SKAP1: variants seen among roughly 807,000 people sequenced by gnomAD.
SKAP1 encodes src kinase associated phosphoprotein 1.
In SKAP1, 44 loss-of-function variants were observed where a neutral mutation model predicts 58.5. The ratio of observed to expected loss-of-function variants is 0.75; its 90% confidence interval spans 0.59 to 0.97. The LOEUF is 0.97. Among genes scored for constraint, SKAP1 ranks in the 50% least tolerant of loss-of-function variants. SKAP1 has a pLI of 0.00. For synonymous variants in SKAP1, 127 were observed against 149.7 expected, an observed-to-expected ratio of 0.85 and a Z score of 1.11; for missense variants, 390 against 435.2, an observed-to-expected ratio of 0.90 and a Z score of 0.92.
chr17:48,187,916 G>T lies in SKAP1; in HGVS notation c.369C>A (p.Phe123Leu), dbSNP rs370712801. The T allele has an allele frequency of 6.2e-7, 1 of 1,613,694 alleles. No homozygotes were observed. The highest frequency in any genetic ancestry group is 8.5e-7 in the Non-Finnish European group (1 of 1,179,674). Residue 123 changes from phenylalanine (F) to leucine (L), a missense_variant, in exon 6 of 13, where the codon TTC becomes TTA. Coordinates refer to ENST00000336915, the MANE Select transcript of SKAP1 (RefSeq NM_003726.4). The stretch of plus-strand genomic sequence containing the variant: ...ATCGCTTCTGCCACTCCGATCCAAA[G>T]AAACTATGATCTAAACAGAACAGCA... ...YLEKKSKDHS[F>L]FGSEWQKRWC...
the SKAP1 span, among the ~76,000 whole-genome samples, chr17:48,435,874 C>T: frequency 1.3e-5 from 2 of 152,284 alleles, no homozygotes; most frequent in East Asian, 3.9e-4. Flanking sequence ...GATATTCTAA[C>T]AAGAACCACC....
At chr17:48,291,120 A>G (rs772992143) in intron 4 of SKAP1, among the ~76,000 whole-genome samples, 1 of 152,042 alleles carries the variant, frequency 6.6e-6, no homozygotes, top group Non-Finnish European at 1.5e-5. Flanking sequence ...CCTGTCTTAA[A>G]CAAAAACAAA....
At chr17:48,177,099 C>T (rs959084559) in intron 9 of SKAP1, among the ~76,000 whole-genome samples, 3 of 152,222 alleles carry the variant, frequency 2.0e-5, no homozygotes, top group Admixed American at 1.3e-4. Flanking sequence ...GCTGTCCCTC[C>T]ACCCAGCACC....
chr17:48,184,242 C>G (rs1242012435), intron 7 of SKAP1, among the ~76,000 whole-genome samples: 2 of 151,156 alleles, frequency 1.3e-5, no homozygotes, highest in Non-Finnish European at 3.0e-5. Context: ...GAAATCCTTC[C>G]AGAGATATGC....
rs1434513913 is a variant in SKAP1, at chr17:48,150,441, G to A, written c.978+12028C>T. ...CAGGAAAGGTGTAGAGACCCCCTTG[G>A]TTACAATGTTTCAAAAGGCATTGCT... On this transcript the variant is annotated intron_variant, in intron 11 of 12. Coordinates refer to ENST00000336915, the MANE Select transcript of SKAP1 (RefSeq NM_003726.4). Among the ~76,000 whole-genome samples the A allele has an allele frequency of 2.6e-5, 4 of 152,262 alleles. No homozygotes were observed. The East Asian group carries it at 7.7e-4, about 29-fold the overall frequency.
intron 4 of SKAP1, among the ~76,000 whole-genome samples, chr17:48,330,510 A>C (rs1273116253): frequency 6.6e-6 from 1 of 152,238 alleles, no homozygotes; most frequent in Non-Finnish European, 1.5e-5. Flanking sequence ...AAGAAAAACC[A>C]AAACCAAACA....
chr17:48,289,428 A>T (rs544303955), intron 4 of SKAP1, among the ~76,000 whole-genome samples: 3 of 152,312 alleles, frequency 2.0e-5, no homozygotes, highest in Admixed American at 6.5e-5. Context: ...AACTACAATA[A>T]ATAGAAATAG....
intron 4 of SKAP1, among the ~76,000 whole-genome samples, chr17:48,303,702 G>C (rs1051024606): frequency 2.0e-5 from 3 of 152,106 alleles, no homozygotes; most frequent in Non-Finnish European, 4.4e-5. Flanking sequence ...ACACAGGCTT[G>C]GGGAAAAACC....
intron 2 of SKAP1, among the ~76,000 whole-genome samples, chr17:48,383,786 G>A (rs1567892718): frequency 6.8e-6 from 1 of 147,558 alleles, no homozygotes; most frequent in Non-Finnish European, 1.5e-5. Context: ...GAGCAATCTC[G>A]GCTCACTGCA....
chr17:48,342,381 G>T (rs2066664762), intron 4 of SKAP1, among the ~76,000 whole-genome samples: 2 of 152,028 alleles, frequency 1.3e-5, no homozygotes, highest in South Asian at 4.2e-4. Flanking sequence ...TGTAACCTTG[G>T]TTTTCATTTT....
intron 4 of SKAP1, among the ~76,000 whole-genome samples, chr17:48,286,498 T>C (rs557638969): frequency 6.6e-6 from 1 of 152,238 alleles, no homozygotes; most frequent in South Asian, 2.1e-4. Context: ...TTCTATAATA[T>C]TGCCATTGCA....
At chr17:48,187,237 C>A (rs1168321313) in intron 6 of SKAP1, among the ~76,000 whole-genome samples, 3 of 152,158 alleles carry the variant, frequency 2.0e-5, no homozygotes, top group African/African-American at 7.2e-5. Flanking sequence ...TGAGTGTTGA[C>A]TTGATTAAGT....
chr17:48,391,697 C>T (rs1170296557), intron 2 of SKAP1, among the ~76,000 whole-genome samples: 1 of 151,586 alleles, frequency 6.6e-6, no homozygotes, highest in Non-Finnish European at 1.5e-5. Context: ...GAGTTATTAA[C>T]CTTCCAGATG....
chr17:48,193,656 C>T, intron 4 of SKAP1: 3 of 983,086 alleles, frequency 3.1e-6, no homozygotes, highest in Non-Finnish European at 3.6e-6. Context: ...AAGGTACCTC[C>T]TCTTTCAGTG....
chr17:48,321,439 G>A (rs887469324), intron 4 of SKAP1, among the ~76,000 whole-genome samples: 14 of 150,636 alleles, frequency 9.3e-5, no homozygotes, highest in African/African-American at 2.2e-4. Context: ...GTGCAGTGGC[G>A]CAATCTTGGC....
chr17:48,410,219 G>T (rs1427135268), intron 1 of SKAP1, among the ~76,000 whole-genome samples: 1 of 152,164 alleles, frequency 6.6e-6, no homozygotes, highest in African/African-American at 2.4e-5. Flanking sequence ...AGGGGAAAAG[G>T]TAGCAAGAAT....
intron 4 of SKAP1, among the ~76,000 whole-genome samples, chr17:48,339,725 C>T (rs1265583053): frequency 6.6e-6 from 1 of 152,110 alleles, no homozygotes; most frequent in Non-Finnish European, 1.5e-5. Context: ...ACCTCTAATC[C>T]CTGCATCATT....
At chr17:48,309,283 TA>T (rs138105810) in intron 4 of SKAP1, among the ~76,000 whole-genome samples, 26,222 of 151,242 alleles carry the variant, frequency 0.17, 2,319 homozygotes, top group Non-Finnish European at 0.19. Flanking sequence ...TCCACTATAT[TA>T]AAAAAAAAGT....
intron 4 of SKAP1, among the ~76,000 whole-genome samples, chr17:48,260,812 A>G (rs1567842458): frequency 6.6e-6 from 1 of 152,174 alleles, no homozygotes; most frequent in Non-Finnish European, 1.5e-5. Flanking sequence ...CCTTTCCTTA[A>G]TTGGTTAACC....
Sources: gnomAD v4.1 joint callset for allele counts (sites outside exome capture counted in the v4.1 genomes callset) on GRCh38, gnomAD v4.1.1 for gene constraint, MANE v1.5 for transcripts, NCBI Gene and HGNC (gene_info 2026-07-23, HGNC 2026-07-21) for gene names.